The following DMD variants were observed in gnomAD, a reference collection of about 807,000 sequenced individuals.
DMD encodes dystrophin.
A neutral mutation model predicts 330.1 loss-of-function variants in DMD; 63 were observed. That is an observed-to-expected ratio of 0.19 (90% confidence interval 0.16 to 0.24). The LOEUF (loss-of-function observed/expected upper bound fraction) is 0.24, where lower values mean the gene tolerates loss of function less well. Among genes scored for constraint, DMD ranks in the 10% least tolerant of loss-of-function variants. The pLI is 1.00. For missense variants in DMD, 3,344 were observed against 2,684.1 expected (o/e 1.25, Z -5.43); for synonymous variants, 1,223 against 959.8 (o/e 1.27, Z -5.07).
chrX:31,263,467 T>A (rs1166092807), intron 62 of DMD, among the ~76,000 whole-genome samples: 1 of 111,112 alleles, frequency 9.0e-6, no homozygotes, highest in African/African-American at 3.3e-5. Context: ...TTAGAAATTA[T>A]TTTTTTTTAA....
intron 1 of DMD, among the ~76,000 whole-genome samples, chrX:33,066,461 A>AAAAAGGAAGG (rs754870790): frequency 0.21 from 17,614 of 83,456 alleles, 2,482 homozygotes; most frequent in East Asian, 0.54. Context: ...AAAAAAAAAA[A>AAAAAGGAAGG]AAGGAAGGAA....
intron 37 of DMD, among the ~76,000 whole-genome samples, chrX:32,355,789 T>A (rs1169975062): frequency 1.8e-5 from 2 of 111,362 alleles, no homozygotes; most frequent in East Asian, 5.6e-4. Context: ...ATATTAGTTG[T>A]AAATATTACA....
chrX:31,238,955 G>A (rs1439179304), intron 63 of DMD, among the ~76,000 whole-genome samples: 1 of 111,887 alleles, frequency 8.9e-6, no homozygotes, highest in Non-Finnish European at 1.9e-5. Flanking sequence ...ATCTAGAGAA[G>A]TTTGCTGAAT....
chrX:32,832,239 T>A (rs1235068088), intron 4 of DMD, among the ~76,000 whole-genome samples: 1 of 111,596 alleles, frequency 9.0e-6, no homozygotes, highest in Non-Finnish European at 1.9e-5. Flanking sequence ...CAAACTATTA[T>A]AAAATAATTT....
At chrX:32,586,871 T>G (rs902701473) in intron 13 of DMD, among the ~76,000 whole-genome samples, 1 of 111,345 alleles carries the variant, frequency 9.0e-6, no homozygotes, top group Non-Finnish European at 1.9e-5. Context: ...GTAAAACTCC[T>G]GAAAAATAAT....
rs187718379 is a variant in DMD at position 31,375,127 on chromosome X, C to T, written c.9085-26493G>A. Among the ~76,000 whole-genome samples, 6 of 112,069 alleles carry T rather than the reference C, an allele frequency of 5.4e-5. No homozygotes were observed. The East Asian group carries it at 1.7e-3, about 32-fold the overall frequency. On this transcript the variant is annotated intron_variant, in intron 60 of 78. Transcript: ENST00000357033. ...TAAGCTTGTGGGAGTTTTTTATATC[C>T]TACTGCTCAAGGTCATCGCCAAGGT...
At chrX:31,797,392 G>A (rs2091879914) in intron 50 of DMD, among the ~76,000 whole-genome samples, 1 of 111,016 alleles carries the variant, frequency 9.0e-6, no homozygotes, top group African/African-American at 3.3e-5. Flanking sequence ...AGAGGGATAG[G>A]TGATCCTTGG....
intron 45 of DMD, among the ~76,000 whole-genome samples, chrX:31,947,264 T>G (rs1342071990): frequency 3.6e-5 from 4 of 111,580 alleles, no homozygotes; most frequent in Admixed American, 1.9e-4. Context: ...CATCTAGGAC[T>G]ACAGGCTTGC....
Position 32,213,341 on chromosome X carries a change from A to G in DMD, c.6438+3575T>C, listed in dbSNP as rs145617819. On this transcript the variant is annotated intron_variant, in intron 44 of 78. Coordinates refer to ENST00000357033, the MANE Select transcript of DMD (RefSeq NM_004006.3). The stretch of plus-strand genomic sequence containing the variant: ...CAATCAACAAAGGCCAAGATAGCAG[A>G]AATTACCAAAGCTTTGATTTGCCTT... Among the ~76,000 whole-genome samples, 667 of 112,578 alleles carry G rather than the reference A, an allele frequency of 5.9e-3. 3 individuals are homozygous for G. The highest frequency in any genetic ancestry group is 8.2e-3 in the Non-Finnish European group (437 of 53,329).
chrX:32,908,679 A>G (rs774431766), intron 2 of DMD, among the ~76,000 whole-genome samples: 67 of 111,965 alleles, frequency 6.0e-4, no homozygotes, highest in African/African-American at 2.1e-3. Context: ...TCAATCAATA[A>G]GATTATAATT....
intron 44 of DMD, among the ~76,000 whole-genome samples, chrX:32,028,776 C>T (rs955695406): frequency 9.0e-6 from 1 of 110,865 alleles, no homozygotes; most frequent in African/African-American, 3.3e-5. Flanking sequence ...GATCCCAATG[C>T]GGCATCATAA....
chrX:32,474,042 T>C (rs867867459), intron 21 of DMD, among the ~76,000 whole-genome samples: 2 of 110,993 alleles, frequency 1.8e-5, no homozygotes, highest in African/African-American at 6.6e-5. Context: ...TGTGTCCTCA[T>C]AGATTATCTC....
chrX:33,252,920 C>G (rs1301026599), intron 1 of DMD, among the ~76,000 whole-genome samples: 3 of 111,469 alleles, frequency 2.7e-5, no homozygotes, highest in African/African-American at 9.8e-5. Flanking sequence ...ATGACAGCAA[C>G]AATGCTAAAT....
intron 74 of DMD, among the ~76,000 whole-genome samples, chrX:31,152,671 C>G (rs189399732): frequency 6.0e-4 from 67 of 111,240 alleles, no homozygotes; most frequent in South Asian, 2.7e-3. Flanking sequence ...GTAGTTGGGA[C>G]TACAGGCATG....
intron 49 of DMD, among the ~76,000 whole-genome samples, chrX:31,820,975 C>T (rs1028694709): frequency 1.8e-5 from 2 of 112,468 alleles, no homozygotes; most frequent in Non-Finnish European, 3.7e-5. Context: ...AACAGTAGGC[C>T]GTCCTGAGCT....
intron 2 of DMD, among the ~76,000 whole-genome samples, chrX:32,878,494 AAT>A (rs1479713208): frequency 8.9e-6 from 1 of 112,229 alleles, no homozygotes; most frequent in African/African-American, 3.2e-5. Context: ...CCATTAACAC[AAT>A]ATGTTACTAA....
intron 44 of DMD, among the ~76,000 whole-genome samples, chrX:32,215,004 C>T (rs2097107204): frequency 9.0e-6 from 1 of 110,928 alleles, no homozygotes; most frequent in Non-Finnish European, 1.9e-5. Flanking sequence ...TCCATATAGT[C>T]AAGAAAGTAA....
In DMD at chrX:32,811,668, TTCTTG is replaced by T. The variant is rs1207543037; in HGVS notation, c.531-2062_531-2058del. 8.1e-5 allele frequency among the ~76,000 whole-genome samples: 9 copies of T among 111,787 alleles called. No homozygotes were observed. The Admixed American group carries it at 8.6e-4, about 11-fold the overall frequency. On this transcript the variant is annotated intron_variant, in intron 6 of 78. Coordinates refer to ENST00000357033, the MANE Select transcript of DMD (RefSeq NM_004006.3). ...AAATGCAAAGGAGTGTAAGAGGCAG[TTCTTG>T]TCTTATAAGGATTTTAAATTTAATG...
chrX:31,918,453 C>A (rs113207874), intron 47 of DMD, among the ~76,000 whole-genome samples: 2 of 110,913 alleles, frequency 1.8e-5, no homozygotes, highest in African/African-American at 6.6e-5. Context: ...ACTCATTACA[C>A]AAACCATTAG....
Sources: gnomAD v4.1 joint callset for allele counts (sites outside exome capture counted in the v4.1 genomes callset) on GRCh38, gnomAD v4.1.1 for gene constraint, MANE v1.5 for transcripts, NCBI Gene and HGNC (gene_info 2026-07-23, HGNC 2026-07-21) for gene names.